Variants in SMARCA2 observed in about 807,000 individuals in gnomAD.
SMARCA2 encodes SWI/SNF related BAF chromatin remodeling complex subunit ATPase 2, also known as SWI/SNF-related matrix-associated actin-dependent regulator of chromatin subfamily A member 2.
A neutral mutation model predicts 199.8 loss-of-function variants in SMARCA2; 61 were observed. That is an observed-to-expected ratio of 0.31 (90% CI 0.25 to 0.38). The LOEUF (loss-of-function observed/expected upper bound fraction) is 0.38, where lower values mean the gene tolerates loss of function less well. Ranked by LOEUF, SMARCA2 falls within the 10% of genes least tolerant of loss-of-function variation. The probability of loss-of-function intolerance (pLI) is 1.00; values close to 1 mark genes in which losing one functional copy is unlikely to be tolerated. For missense variants in SMARCA2, 1,344 were observed against 2,012.2 expected (o/e 0.67, Z 6.35); for synonymous variants, 935 against 732.0 (o/e 1.28, Z -4.48).
chr9:2,172,164 C>A (rs934237696), intron 29 of SMARCA2, among the ~76,000 whole-genome samples: 4 of 152,070 alleles, frequency 2.6e-5, no homozygotes, highest in Non-Finnish European at 4.4e-5. Flanking sequence ...ATGAATTAAC[C>A]CTTTCTTCAG....
chr9:2,177,391 G>T (rs9298820), intron 29 of SMARCA2, among the ~76,000 whole-genome samples: 21 of 151,888 alleles, frequency 1.4e-4, no homozygotes, highest in African/African-American at 4.1e-4. Context: ...TTCAGCTATG[G>T]TTAAGATTTC....
chr9:2,029,497 A>T (rs1015161344), intron 2 of SMARCA2, among the ~76,000 whole-genome samples: 10 of 152,196 alleles, frequency 6.6e-5, no homozygotes, highest in African/African-American at 2.4e-4. Context: ...TGATAAGTAG[A>T]TCCTGTGATT....
intron 1 of SMARCA2, among the ~76,000 whole-genome samples, chr9:2,019,455 C>G (rs2130121846): frequency 6.9e-6 from 1 of 144,726 alleles, no homozygotes; most frequent in South Asian, 2.2e-4. Flanking sequence ...CGTCAAGTTT[C>G]TTGAAAAGTG....
intron 27 of SMARCA2, among the ~76,000 whole-genome samples, chr9:2,155,756 T>C (rs1023787504): frequency 3.1e-5 from 3 of 96,442 alleles, no homozygotes; most frequent in Non-Finnish European, 6.6e-5. Context: ...TTTTTTTTTT[T>C]TTCAAAAGTG....
At chr9:2,136,118 G>A (rs1824183627) in intron 27 of SMARCA2, among the ~76,000 whole-genome samples, 1 of 151,792 alleles carries the variant, frequency 6.6e-6, no homozygotes, top group African/African-American at 2.4e-5. Flanking sequence ...GAGATTACAG[G>A]CATGAGCCAT....
rs776015366 is a variant in SMARCA2, at chr9:2,181,545, TTTTG to T, written c.4254-18_4254-15del. On this transcript the variant is annotated intron_variant, in intron 29 of 33. Transcript: ENST00000349721. ...CTCAGTAATGTTTGATGTGGCTTGT[TTTTG>T]TTTGTTTCACCCATCCTACAGTTCA... 1.9e-5 allele frequency: 22 copies of T among 1,150,520 alleles called. No homozygotes were observed. The Admixed American group carries it at 3.6e-4, about 19-fold the overall frequency. 71.3% of individuals were successfully genotyped at this position (1,150,520 alleles called of 1,614,324 possible).
chr9:2,180,575 G>A (rs1379382148), intron 29 of SMARCA2, among the ~76,000 whole-genome samples: 1 of 152,144 alleles, frequency 6.6e-6, no homozygotes, highest in Non-Finnish European at 1.5e-5. Flanking sequence ...GCTTCACAAA[G>A]GAAGTAGAGA....
At chr9:2,126,218 G>T (rs1823687415) in intron 27 of SMARCA2, among the ~76,000 whole-genome samples, 1 of 152,184 alleles carries the variant, frequency 6.6e-6, no homozygotes, top group South Asian at 2.1e-4. Context: ...GTGAAAATTG[G>T]TTTTTATAAT....
At chr9:2,026,352 C>T (rs1818830178) in intron 1 of SMARCA2, among the ~76,000 whole-genome samples, 3 of 152,182 alleles carry the variant, frequency 2.0e-5, no homozygotes, top group African/African-American at 4.8e-5. Context: ...TATTAACATT[C>T]CAATTATATG....
intron 18 of SMARCA2, among the ~76,000 whole-genome samples, chr9:2,088,273 A>G (rs1821889353): frequency 1.3e-5 from 2 of 152,292 alleles, no homozygotes; most frequent in South Asian, 4.1e-4. Context: ...GCTCTTTTCC[A>G]TAGAACTCAG....
chr9:2,082,914 A>C (rs1008651375), intron 15 of SMARCA2, among the ~76,000 whole-genome samples: 2 of 152,276 alleles, frequency 1.3e-5, no homozygotes, highest in East Asian at 3.9e-4. Context: ...AAAAAACGTC[A>C]TTCAATATTT....
At chr9:2,068,746 C>G (rs1820953935) in intron 9 of SMARCA2, among the ~76,000 whole-genome samples, 2 of 151,258 alleles carry the variant, frequency 1.3e-5, no homozygotes, top group Non-Finnish European at 2.9e-5. Flanking sequence ...TCTCATTATA[C>G]TATGCAGAAA....
intron 19 of SMARCA2, among the ~76,000 whole-genome samples, chr9:2,089,738 C>T (rs1821969374): frequency 6.6e-6 from 1 of 152,136 alleles, no homozygotes; most frequent in African/African-American, 2.4e-5. Context: ...CTGGGTAGCA[C>T]CCTTTCTGTT....
At chr9:2,154,771 T>G (rs17386332) in intron 27 of SMARCA2, among the ~76,000 whole-genome samples, 1 of 152,218 alleles carries the variant, frequency 6.6e-6, no homozygotes, top group Non-Finnish European at 1.5e-5. Context: ...AAGCATTAAG[T>G]TATTCTTTGT....
At chr9:2,125,333 A>G (rs925715609) in intron 27 of SMARCA2, among the ~76,000 whole-genome samples, 3 of 152,184 alleles carry the variant, frequency 2.0e-5, no homozygotes, top group African/African-American at 7.2e-5. Flanking sequence ...TTGTTTCACT[A>G]TTGAGATTAT....
At chr9:2,182,478 C>CTTTTTTTTTTT (rs145095906) in intron 31 of SMARCA2, among the ~76,000 whole-genome samples, 15 of 96,732 alleles carry the variant, frequency 1.6e-4, no homozygotes, top group Middle Eastern at 6.8e-3. Flanking sequence ...AGCTTATAGT[C>CTTTTTTTTTTT]TTTTTTTTTT....
intron 19 of SMARCA2, among the ~76,000 whole-genome samples, chr9:2,089,191 C>T (rs984023765): frequency 2.6e-5 from 4 of 152,104 alleles, no homozygotes; most frequent in Admixed American, 6.5e-5. Context: ...CAGTATTTTT[C>T]GGACTAACTT....
At position 2,073,194 on chromosome 9, in the gene SMARCA2, A is replaced by AT. The variant is rs1563749660; in HGVS notation, c.1747-14dup. 5 of 1,613,752 alleles carry AT rather than the reference A, an allele frequency of 3.1e-6. No homozygotes were observed. The highest frequency in any genetic ancestry group is 4.2e-6 in the Non-Finnish European group (5 of 1,179,900). The stretch of plus-strand genomic sequence containing the variant: ...GGTCTTAACATGAAACCGTGACATG[A>AT]TTTTCCCTCCTTTGTAGCCCATAGA... On this transcript the variant is annotated splice_polypyrimidine_tract_variant and intron_variant, in intron 10 of 33. Transcript: ENST00000349721.
intron 21 of SMARCA2, among the ~76,000 whole-genome samples, chr9:2,100,444 A>G (rs1473682243): frequency 2.0e-5 from 3 of 152,286 alleles, no homozygotes; most frequent in East Asian, 1.9e-4. Context: ...GGCTCATCCA[A>G]TAAGCCTAGC....
Sources: allele counts gnomAD v4.1 joint callset (sites outside exome capture counted in the v4.1 genomes callset), GRCh38; gene constraint gnomAD v4.1.1; transcripts MANE v1.5; gene names NCBI Gene and HGNC (gene_info 2026-07-23, HGNC 2026-07-21).